The following ARSG variants were observed in gnomAD, a reference collection of about 807,000 sequenced individuals.
ARSG encodes the protein ASG.
ARSG carries 37 observed loss-of-function variants against 50.5 expected under a neutral mutation model. The observed-to-expected ratio is 0.73, with a 90% CI of 0.56 to 0.96. ARSG has a LOEUF of 0.96. ARSG is among the 50% of genes least tolerant of loss of function. ARSG has a pLI of 0.00. For synonymous variants in ARSG, 225 were observed against 254.6 expected (o/e 0.88, Z 1.11); for missense variants, 629 against 675.3 (o/e 0.93, Z 0.76).
intron 11 of ARSG, among the ~76,000 whole-genome samples, chr17:68,418,694 C>T (rs369684013): frequency 2.4e-4 from 37 of 152,194 alleles, no homozygotes; most frequent in Middle Eastern, 6.8e-3. Context: ...GATAAGAAGT[C>T]GTCAGTGGAA....
chr17:68,294,051 A>G (rs1217959425), intron 1 of ARSG, among the ~76,000 whole-genome samples: 43 of 152,150 alleles, frequency 2.8e-4, no homozygotes, highest in Non-Finnish European at 1.2e-4. Flanking sequence ...CTAAATAAGA[A>G]CAAAAGAACC....
At chr17:68,333,770 G>A (rs965120158) in intron 2 of ARSG, among the ~76,000 whole-genome samples, 2 of 152,152 alleles carry the variant, frequency 1.3e-5, no homozygotes, top group African/African-American at 4.8e-5. Flanking sequence ...AGAAAAAGCT[G>A]GGTAGAGATG....
chr17:68,263,173 G>A (rs2075099957), intron 1 of ARSG, among the ~76,000 whole-genome samples: 1 of 152,184 alleles, frequency 6.6e-6, no homozygotes, highest in Admixed American at 6.5e-5. Flanking sequence ...TGGGTGAGTT[G>A]TTACATGGAA....
chr17:68,272,060 C>CA (rs782706828), intron 1 of ARSG, among the ~76,000 whole-genome samples: 1 of 152,100 alleles, frequency 6.6e-6, no homozygotes. Flanking sequence ...CTCGGCCTCT[C>CA]AAAGTACTGG....
chr17:68,404,379 A>G (rs2081614176), intron 11 of ARSG, among the ~76,000 whole-genome samples: 1 of 152,220 alleles, frequency 6.6e-6, no homozygotes, highest in South Asian at 2.1e-4. Flanking sequence ...CACAAAGTGA[A>G]AGGCCCAGAT....
intron 2 of ARSG, among the ~76,000 whole-genome samples, chr17:68,324,429 G>A (rs1000845544): frequency 6.6e-6 from 1 of 152,156 alleles, no homozygotes; most frequent in Non-Finnish European, 1.5e-5. Context: ...CCTGTAACAC[G>A]ATGACCTAGT....
chr17:68,383,950 A>T (rs946743688), intron 8 of ARSG, among the ~76,000 whole-genome samples: 48 of 152,206 alleles, frequency 3.2e-4, no homozygotes, highest in African/African-American at 1.0e-3. Flanking sequence ...AAAGCTGATT[A>T]TGAAAGAGTC....
chr17:68,295,918 G>A (rs1555758021), intron 1 of ARSG, among the ~76,000 whole-genome samples: 3 of 151,948 alleles, frequency 2.0e-5, no homozygotes, highest in African/African-American at 7.3e-5. Flanking sequence ...GGCCTCAGGT[G>A]ATCCACCCAC....
chr17:68,351,903 A>G (rs2078779405), intron 5 of ARSG, among the ~76,000 whole-genome samples: 1 of 152,142 alleles, frequency 6.6e-6, no homozygotes, highest in Admixed American at 6.6e-5. Flanking sequence ...TGAAATTTTT[A>G]CAGGTTCCTC....
Position 68,271,606 on chromosome 17 carries a change from A to G in ARSG, c.-552+12180A>G. On this transcript the variant is annotated intron_variant, in intron 1 of 11. Transcript: ENST00000448504. The surrounding 1 kb of genome is among the most constrained non-coding windows in gnomAD (Gnocchi z 5.3). ...AATGTTTAACTGTAGTAGGCCCACGAAGAGGAGGCTGTATCTCCAGCCAAT... is the reference window on the plus strand; with the variant it reads ...AATGTTTAACTGTAGTAGGCCCACGGAGAGGAGGCTGTATCTCCAGCCAAT... 1.9e-6 allele frequency: 3 copies of G among 1,614,042 alleles called. No homozygotes were observed. Among genetic ancestry groups the G allele is most frequent in the Non-Finnish European group, 2.5e-6 (3 of 1,179,884 alleles).
the ARSG span, chr17:68,434,436 A>G: frequency 1.0e-6 from 1 of 961,216 alleles, no homozygotes; most frequent in Non-Finnish European, 1.5e-6. Context: ...GAGTAGTTAC[A>G]CTTCCTCCAG....
At chr17:68,317,590 C>T (rs1018372891) in intron 2 of ARSG, among the ~76,000 whole-genome samples, 6 of 152,108 alleles carry the variant, frequency 3.9e-5, no homozygotes, top group African/African-American at 1.4e-4. Flanking sequence ...ACCGCAAGGC[C>T]CCAAGTCCCC....
downstream of ARSG, chr17:68,426,015 C>T (rs944783251): frequency 2.8e-5 from 39 of 1,387,012 alleles, no homozygotes; most frequent in Middle Eastern, 2.0e-4. Flanking sequence ...TCGTATGAGG[C>T]GAAGGTTTCC....
intron 2 of ARSG, among the ~76,000 whole-genome samples, chr17:68,329,595 T>C (rs1334397590): frequency 6.6e-6 from 1 of 152,146 alleles, no homozygotes; most frequent in Non-Finnish European, 1.5e-5. Flanking sequence ...TGGGCCTAAC[T>C]GTGCTCCAGC....
At position 68,401,416 on chromosome 17, in the gene ARSG, C is replaced by A. The variant is rs2081464941; in HGVS notation, c.1269C>A (p.Val423=). 1.2e-6 allele frequency: 2 copies of A among 1,613,964 alleles called. No individual in the cohort carries two copies. Among genetic ancestry groups the A allele is most frequent in the African/African-American group, 1.3e-5 (1 of 74,934 alleles). ...AAGEFGALQT[V]RLERYKAFYI... is the part of the protein sequence containing the mutation. ...GAGAGTTTGGAGCCCTGCAGACTGT[C>A]CGCCTGGAGCGTTACAAGGCCTTCT... The change falls in exon 11 of 12, where the codon GTC becomes GTA. Residue 423 remains valine (V), a synonymous_variant. Coordinates refer to ENST00000621439, the MANE Select transcript of ARSG (RefSeq NM_001267727.2).
intron 11 of ARSG, among the ~76,000 whole-genome samples, chr17:68,418,583 A>G (rs963434328): frequency 1.3e-5 from 2 of 152,216 alleles, no homozygotes; most frequent in Admixed American, 1.3e-4. Context: ...GCCAGATTGG[A>G]CCAGAAGGCT....
intron 11 of ARSG, among the ~76,000 whole-genome samples, chr17:68,401,997 G>A (rs576587283): frequency 1.3e-5 from 2 of 152,230 alleles, no homozygotes; most frequent in African/African-American, 2.4e-5. Context: ...TCTCAATCCC[G>A]AGTCCTACTG....
intron 1 of ARSG, among the ~76,000 whole-genome samples, chr17:68,301,782 G>A (rs1464538246): frequency 4.6e-5 from 7 of 151,874 alleles, no homozygotes; most frequent in Admixed American, 1.3e-4. Context: ...CTTCTTTGCC[G>A]CTCCTTGCTT....
chr17:68,314,396 C>T (rs2076988845), intron 2 of ARSG, among the ~76,000 whole-genome samples: 1 of 151,976 alleles, frequency 6.6e-6, no homozygotes, highest in Non-Finnish European at 1.5e-5. Flanking sequence ...CGTGGCGGCA[C>T]ATGCTTGTAA....
Sources: allele counts gnomAD v4.1 joint callset (sites outside exome capture counted in the v4.1 genomes callset), GRCh38; gene constraint gnomAD v4.1.1; non-coding constraint Gnocchi (gnomAD v3.1); transcripts MANE v1.5; gene names NCBI Gene and HGNC (gene_info 2026-07-23, HGNC 2026-07-21).